Variants in LRRC8D observed in about 807,000 individuals in gnomAD.
LRRC8D encodes the protein leucine rich repeat containing 8 VRAC subunit D.
LRRC8D carries 20 observed loss-of-function variants against 55.8 expected under a neutral mutation model. That is an observed-to-expected ratio of 0.36 (90% CI 0.25 to 0.52). LRRC8D has a LOEUF of 0.52. Among genes scored for constraint, LRRC8D ranks in the 20% least tolerant of loss-of-function variants. The pLI is 0.93. For synonymous variants in LRRC8D, 352 were observed against 377.0 expected (o/e 0.93, Z 0.77); for missense variants, 651 against 1,030.8 (o/e 0.63, Z 5.05).
chr1:89,896,909 G>C (rs1235159169), intron 2 of LRRC8D, among the ~76,000 whole-genome samples: 1 of 152,150 alleles, frequency 6.6e-6, no homozygotes, highest in African/African-American at 2.4e-5. Flanking sequence ...TAGACATTAG[G>C]CTAGACACTT....
intron 2 of LRRC8D, among the ~76,000 whole-genome samples, chr1:89,893,807 G>GT (rs1248514479): frequency 2.6e-5 from 4 of 152,204 alleles, no homozygotes; most frequent in Admixed American, 2.6e-4. Flanking sequence ...AAACTAAAGA[G>GT]TTTTTTAGAT....
intron 2 of LRRC8D, among the ~76,000 whole-genome samples, chr1:89,851,532 G>A (rs1283548806): frequency 1.3e-5 from 2 of 148,482 alleles, no homozygotes; most frequent in East Asian, 2.0e-4. Context: ...TTTTTGAGAC[G>A]AGAGTCTTGC....
At chr1:89,871,282 A>G (rs917166821) in intron 2 of LRRC8D, among the ~76,000 whole-genome samples, 1 of 152,216 alleles carries the variant, frequency 6.6e-6, no homozygotes, top group Non-Finnish European at 1.5e-5. Flanking sequence ...GCAATGTAAC[A>G]AAGTTTGTAT....
Position 89,935,723 on chromosome 1 carries a change from A to G in LRRC8D, c.*78A>G. The stretch of plus-strand genomic sequence containing the variant: ...GTGCTCACGTACAAGTTATTACAAG[A>G]TAATGCATTTTAGGAGTAGATACAT... On this transcript the variant is annotated 3_prime_UTR_variant, in exon 3 of 3. Transcript: ENST00000337338. 1 of 1,334,836 alleles carries G rather than the reference A, an allele frequency of 7.5e-7. No individual in the cohort carries two copies. The highest frequency in any genetic ancestry group is 2.3e-5 in the East Asian group (1 of 43,132). The allele number at this position is 1,334,836 out of a possible 1,614,324, so 82.7% of individuals were successfully genotyped here. A position where few individuals can be genotyped will look rare whatever the true frequency, so the allele number is the denominator to read the frequency against.
chr1:89,860,785 A>AAAAAAATATAT (rs1553123917), intron 2 of LRRC8D, among the ~76,000 whole-genome samples: 13 of 28,194 alleles, frequency 4.6e-4, no homozygotes, highest in South Asian at 1.5e-3. Context: ...AAAAAAAAAA[A>AAAAAAATATAT]ATATATATAT....
At position 89,935,252 on chromosome 1, in the gene LRRC8D, A is replaced by C. The variant is rs754503809; in HGVS notation, c.2184A>C (p.Leu728Phe). 6.2e-7 allele frequency: 1 copy of C among 1,614,140 alleles called. No homozygotes were observed. Among genetic ancestry groups the C allele is most frequent in the Non-Finnish European group, 8.5e-7 (1 of 1,179,968 alleles). ...LESLPVAVFSLQKLRCLDVSY... is the reference protein window; with the variant it reads ...LESLPVAVFSFQKLRCLDVSY... ...CCTTACCAGTGGCAGTATTTAGTTT[A>C]CAGAAACTCAGATGCTTAGATGTGA... The change falls in exon 3 of 3, where the codon TTA (leucine) becomes TTC (phenylalanine). Residue 728 changes from leucine to phenylalanine, a missense_variant. Around this residue, in one of 5 missense-constraint regions of LRRC8D, gnomAD observed 338 missense variants for 479.4 expected, o/e 0.71. Transcript: ENST00000337338.
chr1:89,917,257 T>G (rs1663296825), intron 2 of LRRC8D, among the ~76,000 whole-genome samples: 1 of 152,194 alleles, frequency 6.6e-6, no homozygotes, highest in African/African-American at 2.4e-5. Context: ...CACAACCTAG[T>G]TTTAACTACC....
At chr1:89,922,524 G>C (rs1020896807) in intron 2 of LRRC8D, among the ~76,000 whole-genome samples, 10 of 152,232 alleles carry the variant, frequency 6.6e-5, no homozygotes, top group African/African-American at 2.4e-4. Context: ...GACTAAGACA[G>C]ACTTTTCTCC....
At chr1:89,872,228 T>C (rs769634305) in intron 2 of LRRC8D, among the ~76,000 whole-genome samples, 21 of 152,264 alleles carry the variant, frequency 1.4e-4, no homozygotes, top group Non-Finnish European at 1.5e-4. Flanking sequence ...TAAGTGCTCA[T>C]TGAGTTGCCC....
intron 2 of LRRC8D, among the ~76,000 whole-genome samples, chr1:89,909,463 C>T (rs1408491802): frequency 3.3e-5 from 5 of 151,358 alleles, no homozygotes; most frequent in Non-Finnish European, 2.9e-5. Context: ...TTTACCAGTG[C>T]CATTTTTTTT....
In LRRC8D at chr1:89,845,436, G is replaced by A. The variant is rs961383676; in HGVS notation, c.-3+1654G>A. On this transcript the variant is annotated intron_variant, in intron 2 of 2. Transcript: ENST00000337338. ...TCATGAAAAGTGAGAAAGTAATCGA[G>A]AGAGATTCTTTTTATTTTGAGACGG... Among the ~76,000 whole-genome samples the A allele has an allele frequency of 3.3e-5, 5 of 152,228 alleles. No individual in the cohort carries two copies. In the South Asian group the frequency reaches 1.0e-3, roughly 32 times the overall value.
At chr1:89,900,071 G>A (rs944459502) in intron 2 of LRRC8D, among the ~76,000 whole-genome samples, 1 of 152,140 alleles carries the variant, frequency 6.6e-6, no homozygotes, top group African/African-American at 2.4e-5. Context: ...AGAGTGTAGA[G>A]GGGCAGAAAT....
chr1:89,886,243 G>A (rs1304321745), intron 2 of LRRC8D, among the ~76,000 whole-genome samples: 1 of 152,180 alleles, frequency 6.6e-6, no homozygotes, highest in Non-Finnish European at 1.5e-5. Flanking sequence ...TCTGAAGAGT[G>A]AGAGACTCTT....
In LRRC8D at chr1:89,933,986, A is replaced by T; in HGVS notation, c.918A>T (p.Lys306Asn). ...AHVEDSDLIY[K>N]LYVVQTVIKT... ...TGGAAGATAGTGACTTGATCTATAA[A>T]CTCTATGTGGTCCAAACAGTTATCA... The change falls in exon 3 of 3, where the codon AAA (lysine) becomes AAT (asparagine). Residue 306 changes from lysine (K) to asparagine (N), a missense_variant. By Grantham distance (94) the Lys-to-Asn change is moderately conservative. Transcript: ENST00000337338. This position sits in a 1 kb window ranked among gnomAD's most constrained non-coding sequence, Gnocchi z 7.0. 6.2e-7 allele frequency: 1 copy of T among 1,614,062 alleles called. No homozygotes were observed. The highest frequency in any genetic ancestry group is 8.5e-7 in the Non-Finnish European group (1 of 1,180,018).
At chr1:89,903,794 T>G (rs556753126) in intron 2 of LRRC8D, among the ~76,000 whole-genome samples, 2 of 152,324 alleles carry the variant, frequency 1.3e-5, no homozygotes, top group Admixed American at 1.3e-4. Context: ...ATCTCTTATT[T>G]TTATGAACAT....
At position 89,828,949 on chromosome 1, in the gene LRRC8D, T is replaced by C. The variant is rs567630016; in HGVS notation, c.-148+7658T>C. 2.0e-5 allele frequency among the ~76,000 whole-genome samples: 3 copies of C among 152,272 alleles called. No individual in the cohort carries two copies. In the East Asian group the frequency reaches 5.8e-4, roughly 29 times the overall value. On this transcript the variant is annotated intron_variant, in intron 1 of 2. Coordinates refer to ENST00000337338, the MANE Select transcript of LRRC8D (RefSeq NM_001134479.2). ...AAGAAGACACCTTTTTCTCTGATGG[T>C]CATTGGCCGCCAGAAAGCTGTGTCT...
chr1:89,862,849 C>A (rs1661755471), intron 2 of LRRC8D, among the ~76,000 whole-genome samples: 1 of 152,162 alleles, frequency 6.6e-6, no homozygotes, highest in Admixed American at 6.5e-5. Flanking sequence ...CAAGGAAGAT[C>A]ATCTGGCCTG....
At position 89,843,629 on chromosome 1, in the gene LRRC8D, TTC is replaced by T; in HGVS notation, c.-147-8_-147-7del. 1 of 701,312 alleles carries T rather than the reference TTC, an allele frequency of 1.4e-6. No individual in the cohort carries two copies. Among genetic ancestry groups the T allele is most frequent in the Admixed American group, 2.0e-5 (1 of 49,850 alleles). The allele number at this position is 701,312 out of a possible 1,614,324, so 43.4% of individuals were successfully genotyped here. On this transcript the variant is annotated splice_region_variant and splice_polypyrimidine_tract_variant and intron_variant, in intron 1 of 2. Coordinates refer to ENST00000337338, the MANE Select transcript of LRRC8D (RefSeq NM_001134479.2). ...TCTAGCTCTTTCTCTCCCCTGTGTT[TTC>T]AAACAGGAAGTGCACGGCTGTCTAT...
rs191373049 is a variant in LRRC8D at position 89,911,961 on chromosome 1, C to T, written c.-2-21106C>T. Among the ~76,000 whole-genome samples, 424 of 152,200 alleles carry T rather than the reference C, an allele frequency of 2.8e-3. 4 individuals are homozygous for T. Among genetic ancestry groups the T allele is most frequent in the African/African-American group, 9.7e-3 (402 of 41,520 alleles). ...CCAGTTCCCTAAATGCTAGTGATCC[C>T]CTGGATTCTGCCATTGGCCTTTTTT... On this transcript the variant is annotated intron_variant, in intron 2 of 2. Transcript: ENST00000337338. This position sits in a 1 kb window ranked among gnomAD's most constrained non-coding sequence, Gnocchi z 4.0.
Sources: allele counts gnomAD v4.1 joint callset (sites outside exome capture counted in the v4.1 genomes callset), GRCh38; gene constraint gnomAD v4.1.1; regional missense constraint gnomAD v4.1.1; non-coding constraint Gnocchi (gnomAD v3.1); transcripts MANE v1.5; gene names NCBI Gene and HGNC (gene_info 2026-07-23, HGNC 2026-07-21).